Variants in AGK observed in about 807,000 individuals in gnomAD.
AGK encodes acylglycerol kinase.
A neutral mutation model predicts 66.4 loss-of-function variants in AGK; 52 were observed. That is an observed-to-expected ratio of 0.78 (90% confidence interval 0.63 to 0.99). The LOEUF is 0.99. AGK is among the 50% of genes least tolerant of loss of function. AGK has a pLI of 0.00. For synonymous variants in AGK, 182 were observed against 181.1 expected, an observed-to-expected ratio of 1.00 and a Z score of -0.04; for missense variants, 451 against 506.6, an observed-to-expected ratio of 0.89 and a Z score of 1.05.
rs185785723 is a variant in AGK, at chr7:141,581,129, C to A, written c.102-12017C>A. ...ACGTGTGTTTTTATGAAGAATTATG[C>A]CGATATACGTAACAGATGAAGAAAT... is the stretch of plus-strand genomic sequence containing the variant. On this transcript the variant is annotated intron_variant, in intron 2 of 15. Transcript: ENST00000649286. Among the ~76,000 whole-genome samples, 58 of 151,920 alleles carry A rather than the reference C, an allele frequency of 3.8e-4. No individual in the cohort carries two copies. In the East Asian group the frequency reaches 0.01, roughly 27 times the overall value.
rs1204063264 is a variant in AGK at position 141,626,553 on chromosome 7, T to G, written c.588+4752T>G. 1.3e-5 allele frequency among the ~76,000 whole-genome samples: 2 copies of G among 152,234 alleles called. 1 individual carries two copies. Among genetic ancestry groups the G allele is most frequent in the Non-Finnish European group, 2.9e-5 (2 of 68,044 alleles). On this transcript the variant is annotated intron_variant, in intron 9 of 15. Coordinates refer to ENST00000649286, the MANE Select transcript of AGK (RefSeq NM_018238.4). ...ATGAATAATGGATAAACTGACATTG[T>G]CTGCCTCCCGAAGTGATATACTGAG...
At chr7:141,602,635 T>A (rs998269018) in intron 5 of AGK, among the ~76,000 whole-genome samples, 5 of 152,080 alleles carry the variant, frequency 3.3e-5, no homozygotes, top group Non-Finnish European at 7.4e-5. Flanking sequence ...GAACCGTTTT[T>A]TGGCTTATTG....
intron 11 of AGK, among the ~76,000 whole-genome samples, chr7:141,638,870 C>G (rs1051081723): frequency 2.0e-5 from 3 of 152,096 alleles, no homozygotes; most frequent in African/African-American, 7.2e-5. Context: ...TGATTTAGGT[C>G]GGAATTCAGC....
At chr7:141,585,348 C>T (rs1023970403) in intron 2 of AGK, among the ~76,000 whole-genome samples, 17 of 152,186 alleles carry the variant, frequency 1.1e-4, no homozygotes, top group African/African-American at 4.1e-4. Flanking sequence ...TCCCTCTGCA[C>T]ACACTTTTAA....
At chr7:141,611,136 ACCTTT>A in intron 5 of AGK, 54 bp from the exon 6 acceptor site, 1 of 1,095,988 alleles carries the variant, frequency 9.1e-7, no homozygotes, top group South Asian at 1.5e-5. Flanking sequence ...ACATTTTTAA[ACCTTT>A]AACCTTGTGG....
chr7:141,641,864 A>G lies in AGK; in HGVS notation c.931A>G (p.Ile311Val). 1.9e-6 allele frequency: 3 copies of G among 1,586,958 alleles called. No homozygotes were observed. Among genetic ancestry groups the G allele is most frequent in the Non-Finnish European group, 2.6e-6 (3 of 1,165,982 alleles). ...CTGGAAAGATGTGCAGCTGTCCACC[A>G]TTGAACTGTCCATCACAACACGGAA... is the stretch of plus-strand genomic sequence containing the variant. ...EVWKDVQLST[I>V]ELSITTRNNQ... Residue 311 changes from isoleucine (I) to valine (V), a missense_variant, in exon 13 of 16, where the codon ATT becomes GTT. Ile to Val is a conservative substitution (Grantham distance 29, BLOSUM62 3). Coordinates refer to ENST00000649286, the MANE Select transcript of AGK (RefSeq NM_018238.4).
chr7:141,565,782 G>A (rs1795454934), intron 2 of AGK, among the ~76,000 whole-genome samples: 1 of 152,062 alleles, frequency 6.6e-6, no homozygotes, highest in African/African-American at 2.4e-5. Flanking sequence ...TGTCCTCACT[G>A]TCTTGGCTTT....
At position 141,654,982 on chromosome 7, in the gene AGK, A is replaced by AC. The variant is rs1797660450; in HGVS notation, c.*2061dup. 1 of 152,160 alleles carries AC rather than the reference A, an allele frequency of 6.6e-6. No individual in the cohort carries two copies. The highest frequency in any genetic ancestry group is 6.5e-5 in the Admixed American group (1 of 15,276). 9.4% of individuals were successfully genotyped at this position (152,160 alleles called of 1,614,324 possible). On this transcript the variant is annotated 3_prime_UTR_variant, in exon 16 of 16. Transcript: ENST00000649286. ...GCATAAAGATCACTCATCCCATACC[A>AC]CCCACAGGTAGGGAGGAAGGATGCT... is the stretch of plus-strand genomic sequence containing the variant.
At chr7:141,578,536 G>A (rs541039191) in intron 2 of AGK, among the ~76,000 whole-genome samples, 3 of 151,848 alleles carry the variant, frequency 2.0e-5, no homozygotes, top group Admixed American at 2.0e-4. Context: ...TGTTGGGGCA[G>A]CAAAACTTTT....
intron 2 of AGK, among the ~76,000 whole-genome samples, chr7:141,589,957 T>C (rs1053898718): frequency 2.0e-5 from 3 of 152,232 alleles, no homozygotes; most frequent in African/African-American, 7.2e-5. Context: ...GATATTCCAT[T>C]TGGCACATTA....
At chr7:141,571,698 A>T (rs942265324) in intron 2 of AGK, among the ~76,000 whole-genome samples, 1 of 152,186 alleles carries the variant, frequency 6.6e-6, no homozygotes, top group African/African-American at 2.4e-5. Flanking sequence ...GGGGCTCTAG[A>T]GCCCAATAGT....
chr7:141,564,388 C>T (rs1795420071), intron 2 of AGK, among the ~76,000 whole-genome samples: 1 of 152,176 alleles, frequency 6.6e-6, no homozygotes, highest in Non-Finnish European at 1.5e-5. Flanking sequence ...CAAACACATC[C>T]TCCTTCACAT....
At chr7:141,626,137 A>G (rs576184706) in intron 9 of AGK, among the ~76,000 whole-genome samples, 1 of 152,312 alleles carries the variant, frequency 6.6e-6, no homozygotes, top group East Asian at 1.9e-4. Flanking sequence ...CAGGGCAATA[A>G]CAAGACAAGA....
At chr7:141,636,061 C>G (rs1387324413) in intron 10 of AGK, among the ~76,000 whole-genome samples, 1 of 152,164 alleles carries the variant, frequency 6.6e-6, no homozygotes, top group Non-Finnish European at 1.5e-5. Context: ...TTTTCTAATT[C>G]CGATTAGGTG....
intron 13 of AGK, among the ~76,000 whole-genome samples, chr7:141,643,416 A>T (rs949909179): frequency 1.3e-5 from 2 of 152,194 alleles, no homozygotes; most frequent in Admixed American, 1.3e-4. Context: ...AAGGAGGACA[A>T]GGCCTCTCTA....
chr7:141,572,796 C>T (rs1164237780), intron 2 of AGK, among the ~76,000 whole-genome samples: 2 of 151,560 alleles, frequency 1.3e-5, no homozygotes, highest in African/African-American at 2.4e-5. Context: ...GAAACCCCGA[C>T]AGGCTATGGG....
intron 2 of AGK, among the ~76,000 whole-genome samples, chr7:141,558,939 G>T (rs1795278047): frequency 6.6e-6 from 1 of 152,172 alleles, no homozygotes; most frequent in Admixed American, 6.5e-5. Context: ...AGAAATGTCT[G>T]TTCAAGTCCT....
chr7:141,647,365 C>T (rs1190563007), intron 13 of AGK, among the ~76,000 whole-genome samples: 1 of 152,188 alleles, frequency 6.6e-6, no homozygotes, highest in East Asian at 1.9e-4. Context: ...TGATGTAGCT[C>T]CTCTCTTCCC....
intron 8 of AGK, among the ~76,000 whole-genome samples, chr7:141,617,230 G>A (rs942214340): frequency 5.3e-5 from 8 of 152,084 alleles, no homozygotes; most frequent in Non-Finnish European, 1.2e-4. Context: ...ATTGATCCAA[G>A]GGTAGACCAT....
Sources: gnomAD v4.1 joint callset for allele counts (sites outside exome capture counted in the v4.1 genomes callset) on GRCh38, gnomAD v4.1.1 for gene constraint, MANE v1.5 for transcripts, NCBI Gene and HGNC (gene_info 2026-07-23, HGNC 2026-07-21) for gene names.